Variants in ITGA11 observed in about 807,000 individuals in gnomAD.
ITGA11 encodes the protein integrin alpha-11.
In ITGA11, 97 loss-of-function variants were observed where a neutral mutation model predicts 141.9. The ratio of observed to expected loss-of-function variants is 0.68; its 90% CI spans 0.58 to 0.81. The LOEUF (loss-of-function observed/expected upper bound fraction) is 0.81, where lower values mean the gene tolerates loss of function less well. Ranked by LOEUF, ITGA11 falls within the 30% of genes least tolerant of loss-of-function variation. The pLI, the probability that ITGA11 is intolerant of heterozygous loss-of-function variation, is 0.00. For missense variants in ITGA11, 1,387 were observed against 1,559.2 expected (o/e 0.89, Z 1.86); for synonymous variants, 658 against 624.6 (o/e 1.05, Z -0.80).
At chr15:68,344,626 G>A (rs1329214105) in intron 10 of ITGA11, among the ~76,000 whole-genome samples, 9 of 151,872 alleles carry the variant, frequency 5.9e-5, no homozygotes, top group African/African-American at 1.5e-4. Flanking sequence ...GGGAAGAAGC[G>A]GAGGGAGAAA....
chr15:68,331,412 T>G (rs1445132278), intron 14 of ITGA11, among the ~76,000 whole-genome samples: 1 of 152,184 alleles, frequency 6.6e-6, no homozygotes, highest in Non-Finnish European at 1.5e-5. Flanking sequence ...TAGGCTATTT[T>G]ACTGATAAAC....
intron 1 of ITGA11, among the ~76,000 whole-genome samples, chr15:68,411,455 C>T (rs559987643): frequency 1.3e-5 from 2 of 152,250 alleles, no homozygotes; most frequent in South Asian, 4.1e-4. Context: ...GCACAGGAGA[C>T]CAGGTATGCC....
chr15:68,319,761 T>C (rs1364411792), intron 20 of ITGA11, among the ~76,000 whole-genome samples: 4 of 152,106 alleles, frequency 2.6e-5, no homozygotes, highest in African/African-American at 9.7e-5. Context: ...TATTCCTCCC[T>C]GTGTTCCCAA....
rs887101536 is a variant in ITGA11 at position 68,302,044 on chromosome 15, G to A, written c.*1015C>T. 4.6e-5 allele frequency: 7 copies of A among 153,696 alleles called. 1 individual carries two copies. The highest frequency in any genetic ancestry group is 1.7e-4 in the African/African-American group (7 of 40,540). 9.5% of individuals were successfully genotyped at this position (153,696 alleles called of 1,614,324 possible). On this transcript the variant is annotated 3_prime_UTR_variant, in exon 30 of 30. Transcript: ENST00000315757. Reference sequence around the variant, plus strand: ...CTGTGCACTGGCGGGCATGAGGGAAGGATGGGAGGCAGTGTGTGTGTGTGT... The same window carrying A: ...CTGTGCACTGGCGGGCATGAGGGAAAGATGGGAGGCAGTGTGTGTGTGTGT...
intron 2 of ITGA11, among the ~76,000 whole-genome samples, chr15:68,397,543 TTATA>T (rs1896335644): frequency 7.7e-5 from 2 of 26,032 alleles, no homozygotes; most frequent in African/African-American, 4.4e-4. Flanking sequence ...ATTTAAAATA[TTATA>T]TTTAAAATAT....
chr15:68,399,202 G>A (rs375828880), intron 2 of ITGA11, among the ~76,000 whole-genome samples: 92 of 152,092 alleles, frequency 6.0e-4, no homozygotes, highest in East Asian at 2.3e-3. Flanking sequence ...CATACAAGCC[G>A]CCAAGAAACA....
intron 10 of ITGA11, among the ~76,000 whole-genome samples, chr15:68,342,201 C>T (rs2125997): frequency 0.49 from 74,792 of 152,106 alleles, 18,886 homozygotes; most frequent in Middle Eastern, 0.65. Flanking sequence ...AAGTCAGGCA[C>T]GTGGGCCCAG....
At chr15:68,407,757 A>G (rs1455195463) in intron 1 of ITGA11, among the ~76,000 whole-genome samples, 1 of 152,202 alleles carries the variant, frequency 6.6e-6, no homozygotes, top group Non-Finnish European at 1.5e-5. Context: ...AGCATCAGTC[A>G]GTCTCAAGAA....
chr15:68,331,709 T>G, intron 14 of ITGA11, 150 bp downstream of exon 14: 8 of 704,300 alleles, frequency 1.1e-5, no homozygotes, highest in Non-Finnish European at 1.6e-5. Context: ...AAATTTCCAC[T>G]TGGGGAAGCA....
intron 1 of ITGA11, among the ~76,000 whole-genome samples, chr15:68,417,581 A>T (rs1467611878): frequency 6.6e-6 from 1 of 152,052 alleles, no homozygotes; most frequent in East Asian, 1.9e-4. Flanking sequence ...GCTCTGCTTA[A>T]AGCCCCCGAG....
chr15:68,374,612 G>A (rs1168477872), intron 2 of ITGA11, among the ~76,000 whole-genome samples: 1 of 152,214 alleles, frequency 6.6e-6, no homozygotes. Context: ...GGCTGTGTCT[G>A]TTGAGGCAGG....
At chr15:68,315,525 G>T (rs932996073) in intron 22 of ITGA11, 126 bp downstream of exon 22, 4 of 840,306 alleles carry the variant, frequency 4.8e-6, no homozygotes, top group Admixed American at 2.1e-5. Context: ...TCCACTCAAG[G>T]TTGGGGCAGT....
intron 1 of ITGA11, among the ~76,000 whole-genome samples, chr15:68,408,555 G>T (rs1010311242): frequency 6.6e-6 from 1 of 152,058 alleles, no homozygotes; most frequent in African/African-American, 2.4e-5. Context: ...CGGGAAGCAC[G>T]TGGAGTGCAA....
Position 68,350,790 on chromosome 15 carries a change from G to A in ITGA11, c.895-8C>T. The A allele has an allele frequency of 6.2e-7, 1 of 1,609,378 alleles. No homozygotes were observed. ...GTTGTAGTAGCCCAGGACCTGCCAG[G>A]GAACAGGGGCAGGAACCACAAACCA... On this transcript the variant is annotated splice_polypyrimidine_tract_variant and splice_region_variant and intron_variant, in intron 8 of 29. Transcript: ENST00000315757.
At chr15:68,338,270 C>T (rs1047079838) in intron 11 of ITGA11, among the ~76,000 whole-genome samples, 1 of 152,212 alleles carries the variant, frequency 6.6e-6, no homozygotes, top group Admixed American at 6.5e-5. Context: ...GCAAGGACTC[C>T]AATCTTTCTC....
At chr15:68,414,190 C>T (rs185453383) in intron 1 of ITGA11, among the ~76,000 whole-genome samples, 3 of 152,164 alleles carry the variant, frequency 2.0e-5, no homozygotes, top group Admixed American at 6.5e-5. Context: ...GCCATCAGAC[C>T]CCCTCTTAAT....
chr15:68,317,054 T>G (rs1893603899), intron 21 of ITGA11, among the ~76,000 whole-genome samples: 1 of 152,178 alleles, frequency 6.6e-6, no homozygotes, highest in African/African-American at 2.4e-5. Flanking sequence ...CTCTCTGAGT[T>G]AAAGGATGGG....
intron 1 of ITGA11, among the ~76,000 whole-genome samples, chr15:68,416,551 C>T (rs1428281393): frequency 6.6e-6 from 1 of 152,242 alleles, no homozygotes; most frequent in East Asian, 1.9e-4. Context: ...TTGAGACTGA[C>T]TGTAATTAAC....
chr15:68,416,590 C>A (rs977393871), intron 1 of ITGA11, among the ~76,000 whole-genome samples: 1 of 152,188 alleles, frequency 6.6e-6, no homozygotes, highest in Non-Finnish European at 1.5e-5. Context: ...CCTGGACAGC[C>A]ATCTCATGCC....
Sources: allele counts gnomAD v4.1 joint callset (sites outside exome capture counted in the v4.1 genomes callset), GRCh38; gene constraint gnomAD v4.1.1; transcripts MANE v1.5; gene names NCBI Gene and HGNC (gene_info 2026-07-23, HGNC 2026-07-21).